Variants in GRID2 observed in about 807,000 individuals in gnomAD.
GRID2 encodes the protein glutamate ionotropic receptor delta type subunit 2.
In GRID2, 33 loss-of-function variants were observed where a neutral mutation model predicts 114.8. That is an observed-to-expected ratio of 0.29 (90% CI 0.22 to 0.38). GRID2 has a LOEUF of 0.38. Among genes scored for constraint, GRID2 ranks in the 10% least tolerant of loss-of-function variants. The probability of loss-of-function intolerance (pLI) is 1.00; values close to 1 mark genes in which losing one functional copy is unlikely to be tolerated. For synonymous variants in GRID2, 505 were observed against 449.9 expected (o/e 1.12, Z -1.55); for missense variants, 1,184 against 1,257.7 (o/e 0.94, Z 0.89).
rs115984914 is a variant in GRID2 at position 93,063,785 on chromosome 4, C to G, written c.245-21210C>G. 8.2e-3 allele frequency among the ~76,000 whole-genome samples: 1,251 copies of G among 151,698 alleles called. 21 individuals carry two copies. Among genetic ancestry groups the G allele is most frequent in the African/African-American group, 0.029 (1,186 of 41,480 alleles). On this transcript the variant is annotated intron_variant, in intron 2 of 15. Transcript: ENST00000282020. ...AGCATTAATATCTCCTTTTTGCAGA[C>G]AAATAAACTGAATTGTACAAGTATT...
chr4:92,806,291 A>G (rs1477544035), intron 2 of GRID2, among the ~76,000 whole-genome samples: 1 of 151,802 alleles, frequency 6.6e-6, no homozygotes, highest in Non-Finnish European at 1.5e-5. Context: ...AGGACTTAGA[A>G]AACTATCTCT....
At chr4:93,469,736 G>GA (rs946280336) in intron 11 of GRID2, among the ~76,000 whole-genome samples, 4 of 152,140 alleles carry the variant, frequency 2.6e-5, no homozygotes, top group East Asian at 1.9e-4. Context: ...TTATCCTCCA[G>GA]AAAACCTTCC....
intron 2 of GRID2, among the ~76,000 whole-genome samples, chr4:93,034,200 A>T (rs1401853050): frequency 6.6e-6 from 1 of 152,214 alleles, no homozygotes; most frequent in Non-Finnish European, 1.5e-5. Flanking sequence ...ATTTAACAAC[A>T]AACCACATTT....
intron 12 of GRID2, among the ~76,000 whole-genome samples, chr4:93,498,247 C>G (rs558206874): frequency 6.6e-6 from 1 of 151,746 alleles, no homozygotes; most frequent in East Asian, 2.0e-4. Flanking sequence ...TTTCTGCTTC[C>G]AAGATGGTAC....
At chr4:93,724,901 T>A (rs1729706669) in intron 14 of GRID2, among the ~76,000 whole-genome samples, 1 of 152,152 alleles carries the variant, frequency 6.6e-6, no homozygotes, top group African/African-American at 2.4e-5. Flanking sequence ...TGCCTCAGCC[T>A]CCCGAGTAGC....
intron 14 of GRID2, among the ~76,000 whole-genome samples, chr4:93,627,436 A>G (rs562946161): frequency 1.3e-5 from 2 of 152,182 alleles, no homozygotes; most frequent in Non-Finnish European, 2.9e-5. Context: ...CCATTAGCAA[A>G]CCATAAAAAT....
At chr4:93,487,265 G>T (rs987153479) in intron 11 of GRID2, among the ~76,000 whole-genome samples, 1 of 151,332 alleles carries the variant, frequency 6.6e-6, no homozygotes, top group Admixed American at 6.6e-5. Flanking sequence ...CCTTTTAATT[G>T]CATTTCTTAT....
chr4:92,362,738 G>A (rs935604706), intron 1 of GRID2, among the ~76,000 whole-genome samples: 1 of 151,958 alleles, frequency 6.6e-6, no homozygotes, highest in African/African-American at 2.4e-5. Context: ...AACAAGAAAA[G>A]ATTCAGAAAC....
intron 8 of GRID2, among the ~76,000 whole-genome samples, chr4:93,276,656 A>C (rs1253401329): frequency 6.6e-6 from 1 of 151,754 alleles, no homozygotes; most frequent in African/African-American, 2.4e-5. Flanking sequence ...ATATATTTCT[A>C]TTTTGTTCTT....
At chr4:92,875,171 T>TC in intron 2 of GRID2, among the ~76,000 whole-genome samples, 1 of 144,862 alleles carries the variant, frequency 6.9e-6, no homozygotes, top group East Asian at 2.0e-4. Context: ...TTTTTTTTTT[T>TC]TTTTTCCCGA....
chr4:92,656,053 T>A (rs1447959752), intron 2 of GRID2, among the ~76,000 whole-genome samples: 2 of 151,760 alleles, frequency 1.3e-5, no homozygotes, highest in African/African-American at 4.8e-5. Flanking sequence ...TATGCCGAGT[T>A]TGTTGAACAT....
At chr4:93,096,522 C>T (rs1033996833) in intron 3 of GRID2, among the ~76,000 whole-genome samples, 1 of 151,782 alleles carries the variant, frequency 6.6e-6, no homozygotes, top group African/African-American at 2.4e-5. Flanking sequence ...AGTATGAAAC[C>T]AAAAACAATT....
In GRID2 at chr4:92,798,316, G is replaced by A. The variant is rs1264584196; in HGVS notation, c.244+208030G>A. Among the ~76,000 whole-genome samples, 4 of 152,066 alleles carry A rather than the reference G, an allele frequency of 2.6e-5. No homozygotes were observed. In the East Asian group the frequency reaches 5.8e-4, roughly 22 times the overall value. ...TTGTACCTGATGAGCTATTAAAAGT[G>A]TGTAAATCAAATAAGCTTATATCAA... On this transcript the variant is annotated intron_variant, in intron 2 of 15. Coordinates refer to ENST00000282020, the MANE Select transcript of GRID2 (RefSeq NM_001510.4).
rs192230134 is a variant in GRID2 at position 92,829,132 on chromosome 4, G to T, written c.244+238846G>T. 6.0e-4 allele frequency among the ~76,000 whole-genome samples: 91 copies of T among 152,206 alleles called. 1 individual carries two copies. In the East Asian group the frequency reaches 0.016, roughly 28 times the overall value. ...GGTGTTGTCTAGGTTTTCTTCTAGG[G>T]TTTTTATAGTTTTAGGTTTTACATT... On this transcript the variant is annotated intron_variant, in intron 2 of 15. Transcript: ENST00000282020.
intron 1 of GRID2, among the ~76,000 whole-genome samples, chr4:92,484,902 A>G (rs1027579098): frequency 6.6e-6 from 1 of 152,020 alleles, no homozygotes; most frequent in African/African-American, 2.4e-5. Flanking sequence ...AGATTAATGA[A>G]AATATTTCCT....
intron 2 of GRID2, among the ~76,000 whole-genome samples, chr4:92,817,298 T>C (rs1578231150): frequency 6.6e-6 from 1 of 152,258 alleles, no homozygotes; most frequent in South Asian, 2.1e-4. Context: ...TCAGCTACAT[T>C]GCTGTGGGTT....
At chr4:92,520,523 C>G (rs1724718046) in intron 1 of GRID2, among the ~76,000 whole-genome samples, 1 of 151,872 alleles carries the variant, frequency 6.6e-6, no homozygotes, top group Admixed American at 6.6e-5. Flanking sequence ...GATTGTGTTT[C>G]TTTACCAGGT....
Position 92,402,794 on chromosome 4 carries a change from T to C in GRID2, c.88+98050T>C, listed in dbSNP as rs186576347. ...CTTCCTCTTAAAGTGACCTGCTGCA[T>C]TAGTCTCTAACAAGAGAGTCAGCAT... On this transcript the variant is annotated intron_variant, in intron 1 of 15. Transcript: ENST00000282020. 6.1e-3 allele frequency among the ~76,000 whole-genome samples: 925 copies of C among 152,196 alleles called. 9 individuals are homozygous for C. The highest frequency in any genetic ancestry group is 0.021 in the African/African-American group (867 of 41,576).
chr4:93,365,693 T>A (rs887924189), intron 8 of GRID2, among the ~76,000 whole-genome samples: 2 of 152,120 alleles, frequency 1.3e-5, no homozygotes, highest in East Asian at 3.9e-4. Flanking sequence ...TAAAGATAGT[T>A]CTCATATAGT....
Sources: gnomAD v4.1 joint callset for allele counts (sites outside exome capture counted in the v4.1 genomes callset) on GRCh38, gnomAD v4.1.1 for gene constraint, MANE v1.5 for transcripts, NCBI Gene and HGNC (gene_info 2026-07-23, HGNC 2026-07-21) for gene names.